The following ARHGEF17 variants were observed in gnomAD, a reference collection of about 807,000 sequenced individuals.
ARHGEF17 encodes the protein 164 kDa Rho-specific guanine-nucleotide exchange factor.
A neutral mutation model predicts 174.0 loss-of-function variants in ARHGEF17; 80 were observed. The observed-to-expected ratio is 0.46, with a 90% CI of 0.38 to 0.55. ARHGEF17 has a LOEUF of 0.55. Among genes scored for constraint, ARHGEF17 ranks in the 20% least tolerant of loss-of-function variants. ARHGEF17 has a pLI of 0.00. For missense variants in ARHGEF17, 2,886 were observed against 2,839.7 expected (o/e 1.02, Z -0.37); for synonymous variants, 1,311 against 1,189.1 (o/e 1.10, Z -2.11).
chr11:73,322,483 C>A lies in ARHGEF17; in HGVS notation c.3192+10653C>A, dbSNP rs192470607. 7.5e-4 allele frequency among the ~76,000 whole-genome samples: 114 copies of A among 152,300 alleles called. 1 individual carries two copies. Among genetic ancestry groups the A allele is most frequent in the African/African-American group, 2.6e-3 (110 of 41,566 alleles). On this transcript the variant is annotated intron_variant, in intron 1 of 20. Coordinates refer to ENST00000263674, the MANE Select transcript of ARHGEF17 (RefSeq NM_014786.4). ...ACAGTAGTGGACTAGAGCCAGAAAT[C>A]CCCCCCATGCATCTCACCATTGCTC... is the stretch of plus-strand genomic sequence containing the variant.
chr11:73,342,492 C>T (rs1004105397), intron 1 of ARHGEF17, among the ~76,000 whole-genome samples: 1 of 152,162 alleles, frequency 6.6e-6, no homozygotes, highest in Non-Finnish European at 1.5e-5. Flanking sequence ...AACGATGGAT[C>T]ATGTTCGTTT....
intron 1 of ARHGEF17, among the ~76,000 whole-genome samples, chr11:73,339,990 A>G (rs1302126071): frequency 2.0e-5 from 3 of 152,142 alleles, no homozygotes; most frequent in African/African-American, 4.8e-5. Flanking sequence ...CCCAAAGGAG[A>G]TAAAATCAGC....
intron 1 of ARHGEF17, among the ~76,000 whole-genome samples, chr11:73,340,064 C>T (rs1187805912): frequency 2.0e-5 from 3 of 152,178 alleles, no homozygotes; most frequent in Non-Finnish European, 4.4e-5. Flanking sequence ...CCGTGGCCCA[C>T]CTGGTGCCCT....
At chr11:73,362,410 A>G in intron 13 of ARHGEF17, 23 bp from the exon 14 acceptor site, 2 of 1,522,674 alleles carry the variant, frequency 1.3e-6, no homozygotes, top group Non-Finnish European at 8.8e-7. Flanking sequence ...AGCTGCTGTC[A>G]TCCTCACTCC....
At chr11:73,322,156 C>T (rs1865027021) in intron 1 of ARHGEF17, among the ~76,000 whole-genome samples, 1 of 152,176 alleles carries the variant, frequency 6.6e-6, no homozygotes, top group South Asian at 2.1e-4. Context: ...GACGCCTTCC[C>T]CCAATAAAGG....
chr11:73,308,722 G>A lies in ARHGEF17; in HGVS notation c.84G>A (p.Leu28=). 1 of 1,512,524 alleles carries A rather than the reference G, an allele frequency of 6.6e-7. No individual in the cohort carries two copies. The allele number at this position is 1,512,524 out of a possible 1,614,324, so 93.7% of individuals were successfully genotyped here. The change falls in exon 1 of 21, where the codon CTG becomes CTA. Residue 28 remains leucine (L), a synonymous_variant. Coordinates refer to ENST00000263674, the MANE Select transcript of ARHGEF17 (RefSeq NM_014786.4). ...LLERWSGGPG[L]REEDTDTPGL... ...AGCGCTGGAGCGGCGGCCCCGGGCTGAGGGAGGAGGACACGGACACCCCCG... is the reference window on the plus strand; with the variant it reads ...AGCGCTGGAGCGGCGGCCCCGGGCTAAGGGAGGAGGACACGGACACCCCCG...
At chr11:73,337,533 C>T (rs1229629305) in intron 1 of ARHGEF17, among the ~76,000 whole-genome samples, 1 of 152,076 alleles carries the variant, frequency 6.6e-6, no homozygotes, top group Non-Finnish European at 1.5e-5. Flanking sequence ...GATCCTCCTA[C>T]TTCAGCCTCC....
chr11:73,311,674 G>A lies in ARHGEF17; in HGVS notation c.3036G>A (p.Leu1012=). The part of the protein sequence containing the change: ...SLEDVTKQYM[L]NLHSGEVPAP... ...AGGACGTCACCAAGCAGTACATGCT[G>A]AACCTGCACTCCGGTGAGGTCCCTG... The change falls in exon 1 of 21, where the codon CTG becomes CTA. Residue 1012 remains leucine (L), a synonymous_variant. Coordinates refer to ENST00000263674, the MANE Select transcript of ARHGEF17 (RefSeq NM_014786.4). 6.2e-7 allele frequency: 1 copy of A among 1,613,418 alleles called. No homozygotes were observed. The highest frequency in any genetic ancestry group is 8.5e-7 in the Non-Finnish European group (1 of 1,180,036).
chr11:73,339,249 T>C (rs1410558036), intron 1 of ARHGEF17, among the ~76,000 whole-genome samples: 10 of 152,178 alleles, frequency 6.6e-5, no homozygotes, highest in Non-Finnish European at 1.5e-4. Context: ...GCACAGTGCT[T>C]GGCATCTAAT....
Position 73,365,095 on chromosome 11 carries a change from C to A in ARHGEF17, c.5551-295C>A. 2.4e-6 allele frequency: 1 copy of A among 413,180 alleles called. No homozygotes were observed. The highest frequency in any genetic ancestry group is 3.0e-5 in the South Asian group (1 of 33,824). 25.6% of individuals were successfully genotyped at this position (413,180 alleles called of 1,614,324 possible). A position where few individuals can be genotyped will look rare whatever the true frequency, so the allele number is the denominator to read the frequency against. ...TGCTGTGTGACCTTTCCCTTCTAGG[C>A]TTCAGCTTCCCCACCTGTCCAGGGG... On this transcript the variant is annotated intron_variant, in intron 18 of 20. Coordinates refer to ENST00000263674, the MANE Select transcript of ARHGEF17 (RefSeq NM_014786.4). The surrounding 1 kb of genome is among the most constrained non-coding windows in gnomAD (Gnocchi z 4.9).
Position 73,337,990 on chromosome 11 carries a change from A to G in ARHGEF17, c.3193-8893A>G, listed in dbSNP as rs1179099001. On this transcript the variant is annotated intron_variant, in intron 1 of 20. Coordinates refer to ENST00000263674, the MANE Select transcript of ARHGEF17 (RefSeq NM_014786.4). ...TAAGGAGCTCTCCTTCCCATTCCCA[A>G]AGCACATTCCCCAGAATTATGGAGC... 3.3e-5 allele frequency among the ~76,000 whole-genome samples: 5 copies of G among 152,202 alleles called. No homozygotes were observed. In the East Asian group the frequency reaches 9.7e-4, roughly 29 times the overall value.
At chr11:73,314,376 G>A (rs1341575507) in intron 1 of ARHGEF17, among the ~76,000 whole-genome samples, 2 of 152,182 alleles carry the variant, frequency 1.3e-5, no homozygotes, top group South Asian at 2.1e-4. Flanking sequence ...GTCCACATTC[G>A]TGCTCTGTGT....
chr11:73,308,839 C>G lies in ARHGEF17; in HGVS notation c.201C>G (p.Ala67=). 7.5e-7 allele frequency: 1 copy of G among 1,338,352 alleles called. No individual in the cohort carries two copies. Among genetic ancestry groups the G allele is most frequent in the Non-Finnish European group, 9.5e-7 (1 of 1,051,440 alleles). The allele number at this position is 1,338,352 out of a possible 1,614,324, so 82.9% of individuals were successfully genotyped here. ...RVSKLASGPL[A]APAQPRPLRS... ...CCAAGCTGGCGTCTGGGCCCCTGGC[C>G]GCCCCCGCGCAGCCGCGCCCGCTCC... The change falls in exon 1 of 21, where the codon GCC becomes GCG. Residue 67 remains alanine, a synonymous_variant. Transcript: ENST00000263674.
At chr11:73,314,951 G>A (rs1439816173) in intron 1 of ARHGEF17, among the ~76,000 whole-genome samples, 1 of 152,238 alleles carries the variant, frequency 6.6e-6, no homozygotes, top group African/African-American at 2.4e-5. Flanking sequence ...AGCATCATAG[G>A]CAGATGAACT....
At chr11:73,361,905 G>A (rs924951652) in intron 12 of ARHGEF17, 135 bp from the exon 13 acceptor site, 181 of 964,068 alleles carry the variant, frequency 1.9e-4, no homozygotes, top group Admixed American at 1.3e-3. Flanking sequence ...GTGTGTAGAA[G>A]GGTGTATAGG....
At chr11:73,327,827 TAGAAC>T (rs1480705551) in intron 1 of ARHGEF17, among the ~76,000 whole-genome samples, 1 of 149,244 alleles carries the variant, frequency 6.7e-6, no homozygotes, top group Non-Finnish European at 1.5e-5. Flanking sequence ...GTGTAATGGT[TAGAAC>T]AGACTGAAGC....
chr11:73,356,576 G>C, intron 6 of ARHGEF17, 133 bp from the exon 7 acceptor site: 1 of 1,275,674 alleles, frequency 7.8e-7, no homozygotes, highest in South Asian at 1.4e-5. Flanking sequence ...CAGCACAAGG[G>C]CATTGAGGGT....
In ARHGEF17 at chr11:73,365,145, C is replaced by T. The variant is rs1285288201; in HGVS notation, c.5551-245C>T. On this transcript the variant is annotated intron_variant, in intron 18 of 20. Coordinates refer to ENST00000263674, the MANE Select transcript of ARHGEF17 (RefSeq NM_014786.4). The surrounding 1 kb of genome is among the most constrained non-coding windows in gnomAD (Gnocchi z 4.9). ...GGAGGCCAGTGACTGATTTTAGAAC[C>T]CTTTAAGCATTGAAGTTCTCTGATC... The T allele has an allele frequency of 3.7e-6, 2 of 536,956 alleles. No homozygotes were observed. The highest frequency in any genetic ancestry group is 4.3e-5 in the South Asian group (2 of 45,988). 33.3% of individuals were successfully genotyped at this position (536,956 alleles called of 1,614,324 possible). A position where few individuals can be genotyped will look rare whatever the true frequency, so the allele number is the denominator to read the frequency against.
chr11:73,366,039 G>A (rs1192332961), intron 20 of ARHGEF17, 92 bp downstream of exon 20: 1 of 1,489,644 alleles, frequency 6.7e-7, no homozygotes, highest in Non-Finnish European at 9.0e-7. Flanking sequence ...CAAGAGGGAG[G>A]AAAAGTGTCA....
Sources: allele counts gnomAD v4.1 joint callset (sites outside exome capture counted in the v4.1 genomes callset), GRCh38; gene constraint gnomAD v4.1.1; non-coding constraint Gnocchi (gnomAD v3.1); transcripts MANE v1.5; gene names NCBI Gene and HGNC (gene_info 2026-07-23, HGNC 2026-07-21).